GIGYF2: variants seen among roughly 807,000 people sequenced by gnomAD.
GIGYF2 encodes GRB10 interacting GYF protein 2, also known as GRB10-interacting GYF protein 2.
A neutral mutation model predicts 208.1 loss-of-function variants in GIGYF2; 25 were observed. That is an observed-to-expected ratio of 0.12 (90% CI 0.09 to 0.17). The LOEUF (loss-of-function observed/expected upper bound fraction) is 0.17. Ranked by LOEUF, GIGYF2 falls within the 10% of genes least tolerant of loss-of-function variation. GIGYF2 has a pLI of 1.00. For missense variants in GIGYF2, 1,302 were observed against 1,579.4 expected (o/e 0.82, Z 2.98); for synonymous variants, 534 against 543.8 (o/e 0.98, Z 0.25).
At chr2:232,706,699 G>C (rs1559371862) in intron 2 of GIGYF2, among the ~76,000 whole-genome samples, 1 of 152,050 alleles carries the variant, frequency 6.6e-6, no homozygotes, top group Non-Finnish European at 1.5e-5. Flanking sequence ...ATAATCTCTT[G>C]AACATGAGAG....
chr2:232,842,741 C>G (rs1482881822), intron 23 of GIGYF2, among the ~76,000 whole-genome samples: 2 of 152,280 alleles, frequency 1.3e-5, no homozygotes, highest in East Asian at 1.9e-4. Context: ...CCCCCACCCC[C>G]ACTCCAATTT....
At chr2:232,748,851 G>A in intron 4 of GIGYF2, 136 bp from the exon 5 acceptor site, 2 of 667,460 alleles carry the variant, frequency 3.0e-6, no homozygotes, top group South Asian at 3.1e-5. Context: ...AGTCAATTAT[G>A]GCTGAATAAG....
At chr2:232,772,290 G>A (rs1699299021) in intron 8 of GIGYF2, among the ~76,000 whole-genome samples, 1 of 152,094 alleles carries the variant, frequency 6.6e-6, no homozygotes, top group East Asian at 1.9e-4. Flanking sequence ...TTCTGTCCTG[G>A]ATGATGGATT....
At chr2:232,823,815 C>G (rs1354140127) in intron 21 of GIGYF2, among the ~76,000 whole-genome samples, 1 of 152,208 alleles carries the variant, frequency 6.6e-6, no homozygotes, top group Non-Finnish European at 1.5e-5. Context: ...TTGTGCTTCA[C>G]TTTCTTGTGC....
intron 28 of GIGYF2, among the ~76,000 whole-genome samples, chr2:232,855,608 G>T (rs1033997204): frequency 3.9e-5 from 6 of 152,154 alleles, no homozygotes; most frequent in African/African-American, 1.4e-4. Context: ...CTTCCATGGA[G>T]CCTCTTACCC....
intron 3 of GIGYF2, among the ~76,000 whole-genome samples, chr2:232,744,621 T>A (rs1055484460): frequency 6.6e-6 from 1 of 151,590 alleles, no homozygotes; most frequent in South Asian, 2.1e-4. Context: ...AGCCTTGACC[T>A]CCCAGGCTCG....
Position 232,795,794 on chromosome 2 carries a change from C to T in GIGYF2, c.1480-268C>T, listed in dbSNP as rs1204463448. On this transcript the variant is annotated intron_variant, in intron 13 of 28. Transcript: ENST00000373563. ...TTGAACCCTGGGCTTTGATCCAGAG[C>T]AGTGTTTGTTTTAATCTTAGTTGAT... Among the ~76,000 whole-genome samples, 6 of 152,238 alleles carry T rather than the reference C, an allele frequency of 3.9e-5. No homozygotes were observed. In the East Asian group the frequency reaches 1.2e-3, roughly 29 times the overall value.
intron 2 of GIGYF2, among the ~76,000 whole-genome samples, chr2:232,729,077 C>T (rs1697337589): frequency 6.6e-6 from 1 of 152,140 alleles, no homozygotes; most frequent in Non-Finnish European, 1.5e-5. Flanking sequence ...CTCCTGGGCT[C>T]AAGCAGTCCT....
intron 22 of GIGYF2, 150 bp from the exon 23 acceptor site, chr2:232,839,699 G>A: frequency 6.2e-6 from 5 of 801,534 alleles, no homozygotes; most frequent in Non-Finnish European, 8.2e-6. Context: ...AGGATAGTAA[G>A]TAAAAGCAAT....
intron 8 of GIGYF2, among the ~76,000 whole-genome samples, chr2:232,786,073 T>C (rs1193014679): frequency 1.3e-5 from 2 of 152,228 alleles, no homozygotes; most frequent in African/African-American, 2.4e-5. Flanking sequence ...ATCTTGTCCT[T>C]TTAAAATACC....
At chr2:232,702,160 C>T (rs559264098) in intron 1 of GIGYF2, among the ~76,000 whole-genome samples, 3 of 152,000 alleles carry the variant, frequency 2.0e-5, no homozygotes, top group Admixed American at 1.3e-4. Flanking sequence ...AATAACTGGC[C>T]GGGTGCAGTG....
At chr2:232,794,284 T>G (rs1700156814) in intron 12 of GIGYF2, among the ~76,000 whole-genome samples, 2 of 152,202 alleles carry the variant, frequency 1.3e-5, no homozygotes, top group Non-Finnish European at 2.9e-5. Context: ...TCCTACAACA[T>G]GTAATATATT....
intron 8 of GIGYF2, among the ~76,000 whole-genome samples, chr2:232,774,799 T>C (rs1187469854): frequency 3.3e-5 from 5 of 152,166 alleles, no homozygotes; most frequent in Admixed American, 3.3e-4. Flanking sequence ...AAGAAAAAAC[T>C]CCATGATTCT....
intron 17 of GIGYF2, 113 bp from the exon 18 acceptor site, chr2:232,812,278 G>A (rs936250641): frequency 1.4e-5 from 9 of 657,184 alleles, no homozygotes; most frequent in East Asian, 8.4e-5. Flanking sequence ...GAGTGAAGGC[G>A]TTTTCTAGCC....
At chr2:232,786,977 T>C (rs1699932869) in intron 8 of GIGYF2, among the ~76,000 whole-genome samples, 173 bp from the exon 9 acceptor site, 1 of 152,218 alleles carries the variant, frequency 6.6e-6, no homozygotes, top group Non-Finnish European at 1.5e-5. Context: ...GAACATGGCT[T>C]TAAGAAATGT....
chr2:232,852,411 G>A (rs1690385315), intron 28 of GIGYF2, among the ~76,000 whole-genome samples: 2 of 152,158 alleles, frequency 1.3e-5, no homozygotes. Context: ...TGGGCGTGGT[G>A]GTGGGTGCCT....
At chr2:232,706,253 C>T (rs1175249048) in intron 2 of GIGYF2, among the ~76,000 whole-genome samples, 1 of 152,032 alleles carries the variant, frequency 6.6e-6, no homozygotes, top group African/African-American at 2.4e-5. Flanking sequence ...TAGAAGAGTT[C>T]TTTCTCATAT....
intron 18 of GIGYF2, among the ~76,000 whole-genome samples, chr2:232,814,173 A>G (rs919295187): frequency 3.9e-5 from 6 of 152,096 alleles, no homozygotes; most frequent in Non-Finnish European, 7.4e-5. Flanking sequence ...GGCATGAGAC[A>G]TGGTGCCCAA....
Position 232,729,633 on chromosome 2 carries a change from G to T in GIGYF2, c.-43-5522G>T, listed in dbSNP as rs1302406884. On this transcript the variant is annotated intron_variant, in intron 2 of 28. Transcript: ENST00000373563. ...ACTTTATCATCTTCAACTTCACAAC[G>T]TATTTGAAGTTTCTTAATTCTGTAT... The T allele has an allele frequency of 3.0e-5, 33 of 1,109,796 alleles. No individual in the cohort carries two copies. In the East Asian group the frequency reaches 7.3e-4, roughly 25 times the overall value. 68.7% of individuals were successfully genotyped at this position (1,109,796 alleles called of 1,614,324 possible).
Sources: gnomAD v4.1 joint callset for allele counts (sites outside exome capture counted in the v4.1 genomes callset) on GRCh38, gnomAD v4.1.1 for gene constraint, MANE v1.5 for transcripts, NCBI Gene and HGNC (gene_info 2026-07-23, HGNC 2026-07-21) for gene names.